XRCC1: variants seen among roughly 807,000 people sequenced by gnomAD.
XRCC1 encodes the protein DNA repair protein XRCC1.
XRCC1 carries 52 observed loss-of-function variants against 83.3 expected under a neutral mutation model. The observed-to-expected ratio is 0.62, with a 90% confidence interval of 0.50 to 0.79. The LOEUF (loss-of-function observed/expected upper bound fraction) is 0.79. Among genes scored for constraint, XRCC1 ranks in the 30% least tolerant of loss-of-function variants. The pLI is 0.00. For synonymous variants in XRCC1, 281 were observed against 312.6 expected, an observed-to-expected ratio of 0.90 and a Z score of 1.07; for missense variants, 793 against 823.5, an observed-to-expected ratio of 0.96 and a Z score of 0.45.
chr19:43,568,739 T>TGAGGGAGCAGGAGCTGGG (rs1972778664), intron 2 of XRCC1, among the ~76,000 whole-genome samples: 1 of 148,118 alleles, frequency 6.8e-6, no homozygotes, highest in Admixed American at 7.0e-5. Flanking sequence ...GAGAGAAGAA[T>TGAGGGAGCAGGAGCTGGG]GAGGGAGCAG....
chr19:43,548,643 C>T (rs1972542913), intron 10 of XRCC1, among the ~76,000 whole-genome samples: 1 of 152,104 alleles, frequency 6.6e-6, no homozygotes, highest in Non-Finnish European at 1.5e-5. Context: ...TGCGGAAGGC[C>T]GCAGGGTCCT....
intron 2 of XRCC1, among the ~76,000 whole-genome samples, chr19:43,571,752 G>T (rs1177868438): frequency 6.6e-6 from 1 of 152,210 alleles, no homozygotes; most frequent in African/African-American, 2.4e-5. Flanking sequence ...CTCCCAAAGT[G>T]CTGGGATTAT....
intron 2 of XRCC1, among the ~76,000 whole-genome samples, chr19:43,565,236 C>G (rs1036174353): frequency 2.6e-5 from 4 of 152,168 alleles, no homozygotes; most frequent in African/African-American, 4.8e-5. Context: ...CTTTTGAGCA[C>G]CACTGTTCTG....
At chr19:43,560,597 A>C (rs1454011116) in intron 3 of XRCC1, among the ~76,000 whole-genome samples, 1 of 152,152 alleles carries the variant, frequency 6.6e-6, no homozygotes, top group Non-Finnish European at 1.5e-5. Flanking sequence ...CTCCAGAAGG[A>C]ACAGGGCTCT....
intron 10 of XRCC1, among the ~76,000 whole-genome samples, chr19:43,550,463 C>T (rs1972563939): frequency 6.6e-6 from 1 of 152,076 alleles, no homozygotes; most frequent in African/African-American, 2.4e-5. Flanking sequence ...TCCGGAAGCC[C>T]CTTCTGACCT....
intron 2 of XRCC1, 88 bp downstream of exon 2, chr19:43,574,822 T>G: frequency 9.2e-7 from 1 of 1,091,238 alleles, no homozygotes. Context: ...AGAAAGTGAC[T>G]AAACCCACTG....
chr19:43,555,706 G>C (rs1038201715), intron 3 of XRCC1, among the ~76,000 whole-genome samples: 1 of 152,072 alleles, frequency 6.6e-6, no homozygotes, highest in African/African-American at 2.4e-5. Flanking sequence ...CCCTGCGGTT[G>C]CTTCTCCCTC....
chr19:43,559,707 T>G lies in XRCC1; in HGVS notation c.255+1203A>C, dbSNP rs184947360. On this transcript the variant is annotated intron_variant, in intron 3 of 16. Transcript: ENST00000262887. ...TGTGGCAGAAGGCACTTTGCAGATG[T>G]GATGAACTTGAAGATGTTGAAATGG... Among the ~76,000 whole-genome samples the G allele has an allele frequency of 2.5e-3, 374 of 152,236 alleles. 3 individuals are homozygous for G. Among genetic ancestry groups the G allele is most frequent in the African/African-American group, 8.5e-3 (354 of 41,552 alleles).
At position 43,553,394 on chromosome 19, in the gene XRCC1, A is replaced by G. The variant is rs747172675; in HGVS notation, c.601+7T>C. The G allele has an allele frequency of 6.2e-7, 1 of 1,613,934 alleles. No homozygotes were observed. The highest frequency in any genetic ancestry group is 1.1e-5 in the South Asian group (1 of 91,072). ...ACTCACTCAGGACCCACGTTGTCCG[A>G]GCTCACCTGGGGATGTCTTGTTGAT... On this transcript the variant is annotated splice_region_variant and intron_variant, in intron 6 of 16. Transcript: ENST00000262887.
rs915528418 is a variant in XRCC1, at chr19:43,552,690, C to T, written c.823+107G>A. 8 of 1,123,542 alleles carry T rather than the reference C, an allele frequency of 7.1e-6. 1 individual carries two copies. The highest frequency in any genetic ancestry group is 5.9e-4 in the Middle Eastern group (2 of 3,378). 69.6% of individuals were successfully genotyped at this position (1,123,542 alleles called of 1,614,324 possible). ...CCTCCCTCAGACCCAGGGGTCCAGG[C>T]CCCCAGCCCTTCCTCCCTCAGATTC... On this transcript the variant is annotated intron_variant, in intron 8 of 16. Coordinates refer to ENST00000262887, the MANE Select transcript of XRCC1 (RefSeq NM_006297.3).
intron 3 of XRCC1, among the ~76,000 whole-genome samples, chr19:43,560,476 G>A (rs969447619): frequency 3.9e-5 from 6 of 152,130 alleles, no homozygotes; most frequent in African/African-American, 1.4e-4. Flanking sequence ...GTGGAAGCAG[G>A]CGTTAGAGTG....
chr19:43,563,102 G>A lies in XRCC1; in HGVS notation c.145-2082C>T, dbSNP rs541945162. 1.6e-4 allele frequency among the ~76,000 whole-genome samples: 25 copies of A among 152,304 alleles called. No homozygotes were observed. The East Asian group carries it at 1.7e-3, about 11-fold the overall frequency. ...GAGGAAGGGCCTGCCTAAGGCTGAG[G>A]CCGGCAGACCTCCTGCTGACTCCCC... On this transcript the variant is annotated intron_variant, in intron 2 of 16. Transcript: ENST00000262887.
intron 3 of XRCC1, chr19:43,555,102 G>C (rs555555982): frequency 4.0e-6 from 1 of 247,290 alleles, no homozygotes; most frequent in South Asian, 1.6e-4. Context: ...GAACTTTCCC[G>C]GCAGAGAATA....
chr19:43,545,893 C>T lies in XRCC1; in HGVS notation c.1546G>A (p.Ala516Thr). 3.7e-6 allele frequency: 6 copies of T among 1,614,012 alleles called. No individual in the cohort carries two copies. The highest frequency in any genetic ancestry group is 5.1e-6 in the Non-Finnish European group (6 of 1,179,936). ...TCCGTGTTCTCATCCGTGGAGCCTG[C>T]ATACGGGTCTTCCCCATTCTCCTCC... Reference protein sequence around the residue: ...GQEENGEDPYAGSTDENTDSE... With the variant: ...GQEENGEDPYTGSTDENTDSE... Residue 516 changes from alanine to threonine, a missense_variant, in exon 14 of 17, where the codon GCA (alanine) becomes ACA (threonine). By Grantham distance (58) the Ala-to-Thr change is moderately conservative (BLOSUM62 0). Transcript: ENST00000262887.
At chr19:43,569,831 T>C (rs1474716001) in intron 2 of XRCC1, among the ~76,000 whole-genome samples, 2 of 151,758 alleles carry the variant, frequency 1.3e-5, no homozygotes, top group Non-Finnish European at 2.9e-5. Context: ...CTGAACGACA[T>C]AGATGAAATG....
chr19:43,551,945 G>A, intron 9 of XRCC1, 72 bp downstream of exon 9: 1 of 1,527,848 alleles, frequency 6.5e-7, no homozygotes, highest in Non-Finnish European at 9.0e-7. Context: ...CACAGAGAAA[G>A]CACAAGGTGG....
intron 4 of XRCC1, 92 bp from the exon 5 acceptor site, chr19:43,553,775 C>A: frequency 9.5e-7 from 1 of 1,057,836 alleles, no homozygotes; most frequent in Non-Finnish European, 1.4e-6. Context: ...CTCTTCCTGG[C>A]TCCTTCCCTC....
chr19:43,561,402 C>A (rs1037690022), intron 2 of XRCC1, among the ~76,000 whole-genome samples: 10 of 152,212 alleles, frequency 6.6e-5, no homozygotes, highest in African/African-American at 2.4e-4. Flanking sequence ...CCCACAATCG[C>A]AGAGGACTCC....
rs990419607 is a variant in XRCC1, at chr19:43,557,724, G to A, written c.256-2920C>T. 7.4e-5 allele frequency among the ~76,000 whole-genome samples: 11 copies of A among 149,624 alleles called. No homozygotes were observed. In the East Asian group the frequency reaches 1.6e-3, roughly 22 times the overall value. On this transcript the variant is annotated intron_variant, in intron 3 of 16. Coordinates refer to ENST00000262887, the MANE Select transcript of XRCC1 (RefSeq NM_006297.3). ...GGAGAATCGTTTGTACCTGGGAGGCGGAGGTTGCAGTGAACCGAGATTGCA... is the reference window on the plus strand; with the variant it reads ...GGAGAATCGTTTGTACCTGGGAGGCAGAGGTTGCAGTGAACCGAGATTGCA...
Sources: allele counts gnomAD v4.1 joint callset (sites outside exome capture counted in the v4.1 genomes callset), GRCh38; gene constraint gnomAD v4.1.1; transcripts MANE v1.5; gene names NCBI Gene and HGNC (gene_info 2026-07-23, HGNC 2026-07-21).